The following ECM2 variants were observed in gnomAD, a reference collection of about 807,000 sequenced individuals.
ECM2 encodes extracellular matrix protein 2, female organ and adipocyte specific.
ECM2 carries 57 observed loss-of-function variants against 67.5 expected under a neutral mutation model. The ratio of observed to expected loss-of-function variants is 0.84; its 90% CI spans 0.68 to 1.05. The LOEUF is 1.05. Among genes scored for constraint, ECM2 ranks in the 50% least tolerant of loss-of-function variants. The pLI is 0.00. For missense variants in ECM2, 741 were observed against 822.8 expected, an observed-to-expected ratio of 0.90 and a Z score of 1.22; for synonymous variants, 258 against 294.5, an observed-to-expected ratio of 0.88 and a Z score of 1.27.
intron 4 of ECM2, among the ~76,000 whole-genome samples, chr9:92,512,787 G>A (rs533627992): frequency 6.6e-5 from 10 of 152,304 alleles, no homozygotes; most frequent in African/African-American, 2.2e-4. Context: ...GCCACGTGGT[G>A]ACCTTCTTAT....
At chr9:92,501,548 G>A (rs1456820660) in intron 8 of ECM2, among the ~76,000 whole-genome samples, 5 of 152,262 alleles carry the variant, frequency 3.3e-5, no homozygotes, top group African/African-American at 4.8e-5. Flanking sequence ...GACTTGAGGC[G>A]AGCCTGAGGG....
chr9:92,510,877 G>A (rs1309752088), intron 5 of ECM2, among the ~76,000 whole-genome samples: 1 of 152,212 alleles, frequency 6.6e-6, no homozygotes, highest in African/African-American at 2.4e-5. Flanking sequence ...GATCTAGGGT[G>A]TGAATGTAGA....
At chr9:92,531,526 C>T (rs954533747) in intron 1 of ECM2, among the ~76,000 whole-genome samples, 2 of 152,022 alleles carry the variant, frequency 1.3e-5, no homozygotes, top group South Asian at 2.1e-4. Context: ...TAACGTTTTG[C>T]GCCAGATAAT....
chr9:92,502,703 T>C (rs1234250810), intron 7 of ECM2, 51 bp from the exon 8 acceptor site: 1 of 1,409,688 alleles, frequency 7.1e-7, no homozygotes. Context: ...AGTTGATACG[T>C]TCAATTTCAT....
chr9:92,552,729 T>C, the ECM2 span, among the ~76,000 whole-genome samples: 12 of 152,216 alleles, frequency 7.9e-5, no homozygotes, highest in African/African-American at 2.9e-4. Context: ...TCGTTGTAGA[T>C]TCTGGTTATT....
intron 9 of ECM2, among the ~76,000 whole-genome samples, chr9:92,496,955 AT>A (rs972178781): frequency 6.6e-6 from 1 of 151,894 alleles, no homozygotes; most frequent in Non-Finnish European, 1.5e-5. Flanking sequence ...AAAAAAAAAA[AT>A]CCAGAAGCTC....
the ECM2 span, among the ~76,000 whole-genome samples, chr9:92,545,951 T>C: frequency 6.6e-6 from 1 of 151,882 alleles, no homozygotes; most frequent in African/African-American, 2.4e-5. Context: ...CAATCAGCAC[T>C]CTGTCTAGCT....
chr9:92,509,836 T>G (rs1475600570), intron 6 of ECM2, 63 bp downstream of exon 6: 1 of 1,481,540 alleles, frequency 6.7e-7, no homozygotes, highest in Admixed American at 2.7e-5. Flanking sequence ...AAATAAAATT[T>G]CTACAGGACT....
At chr9:92,528,378 CAA>C (rs140002571) in intron 1 of ECM2, among the ~76,000 whole-genome samples, 4,864 of 152,160 alleles carry the variant, frequency 0.032, 105 homozygotes, top group South Asian at 0.085. Context: ...CTGAGGACAC[CAA>C]AGAGACTAGT....
the ECM2 span, among the ~76,000 whole-genome samples, chr9:92,549,113 G>A: frequency 1.9e-4 from 29 of 152,244 alleles, no homozygotes; most frequent in African/African-American, 7.0e-4. Context: ...TTTCTCACGT[G>A]GACGGTTTCA....
chr9:92,529,811 T>C (rs1190518023), intron 1 of ECM2, among the ~76,000 whole-genome samples: 2 of 152,158 alleles, frequency 1.3e-5, no homozygotes, highest in Non-Finnish European at 2.9e-5. Context: ...GAGGGATGAA[T>C]AGGTGGAACA....
intron 1 of ECM2, among the ~76,000 whole-genome samples, chr9:92,532,043 T>TTTTTTTTTTTTTA (rs1303915728): frequency 6.9e-6 from 1 of 145,052 alleles, no homozygotes; most frequent in Non-Finnish European, 1.5e-5. Context: ...TATTTTTTTT[T>TTTTTTTTTTTTTA]TGAGATGAGG....
At chr9:92,500,688 C>A in intron 9 of ECM2, 39 bp downstream of exon 9, 1 of 1,567,894 alleles carries the variant, frequency 6.4e-7, no homozygotes, top group Non-Finnish European at 8.7e-7. Flanking sequence ...ATTTTGCCAA[C>A]CAAAATTTAA....
the ECM2 span, among the ~76,000 whole-genome samples, chr9:92,549,646 CAAA>C: frequency 1.1e-5 from 1 of 90,610 alleles, no homozygotes; most frequent in Admixed American, 1.0e-4. Flanking sequence ...GACTCCGTCT[CAAA>C]AAAAAAAAAC....
Position 92,535,924 on chromosome 9 carries a change from C to CT in ECM2, c.-28+8dup, listed in dbSNP as rs750722006. On this transcript the variant is annotated intron_variant, in intron 1 of 9. Coordinates refer to ENST00000344604, the MANE Select transcript of ECM2 (RefSeq NM_001393.4). ...CTAAGTAGAAACTTAAAATTTAAAA[C>CT]TTTTTTACCTGGAGATCTAAACTAA... 23 of 468,466 alleles carry CT rather than the reference C, an allele frequency of 4.9e-5. 1 individual carries two copies. Among genetic ancestry groups the CT allele is most frequent in the South Asian group, 3.7e-4 (23 of 61,894 alleles). The allele number at this position is 468,466 out of a possible 1,614,324, so 29.0% of individuals were successfully genotyped here.
intron 9 of ECM2, 49 bp from the exon 10 acceptor site, chr9:92,496,532 G>A (rs766368490): frequency 6.4e-7 from 1 of 1,566,524 alleles, no homozygotes; most frequent in South Asian, 1.2e-5. Context: ...GTAATAATCT[G>A]CCTTTAGGAG....
chr9:92,499,147 C>T (rs992276171), intron 9 of ECM2, among the ~76,000 whole-genome samples: 12 of 152,146 alleles, frequency 7.9e-5, no homozygotes, highest in South Asian at 4.1e-4. Flanking sequence ...GTTTGAATGG[C>T]GACCATTGTC....
chr9:92,533,328 A>AAAAAAATATAT (rs1554683138), intron 1 of ECM2, among the ~76,000 whole-genome samples: 1 of 38,338 alleles, frequency 2.6e-5, no homozygotes, highest in African/African-American at 1.5e-4. Flanking sequence ...AAAAAAAAAA[A>AAAAAAATATAT]ATATATATAT....
At chr9:92,522,933 T>C (rs1848168788) in intron 1 of ECM2, 40 bp from the exon 2 acceptor site, 15 of 1,498,364 alleles carry the variant, frequency 1.0e-5, no homozygotes, top group Middle Eastern at 4.3e-4. Flanking sequence ...GGTGACTAAA[T>C]TTTTACTTCT....
Sources: gnomAD v4.1 joint callset for allele counts (sites outside exome capture counted in the v4.1 genomes callset) on GRCh38, gnomAD v4.1.1 for gene constraint, MANE v1.5 for transcripts, NCBI Gene and HGNC (gene_info 2026-07-23, HGNC 2026-07-21) for gene names.